The following DMD variants were observed in gnomAD, a reference collection of about 807,000 sequenced individuals.
DMD encodes the protein dystrophin.
In DMD, 63 loss-of-function variants were observed where a neutral mutation model predicts 330.1. The observed-to-expected ratio is 0.19, with a 90% CI of 0.16 to 0.24. The LOEUF is 0.24. DMD is among the 10% of genes least tolerant of loss of function. The pLI, the probability that DMD is intolerant of heterozygous loss-of-function variation, is 1.00. For synonymous variants in DMD, 1,223 were observed against 959.8 expected (o/e 1.27, Z -5.07); for missense variants, 3,344 against 2,684.1 (o/e 1.25, Z -5.43).
At chrX:31,665,841 T>C (rs764119658) in intron 53 of DMD, among the ~76,000 whole-genome samples, 7 of 111,837 alleles carry the variant, frequency 6.3e-5, no homozygotes, top group African/African-American at 2.3e-4. Context: ...TTTTCCCCTC[T>C]TTACTTTCAG....
chrX:31,957,926 G>A (rs1705780101), intron 45 of DMD, among the ~76,000 whole-genome samples: 1 of 111,027 alleles, frequency 9.0e-6, no homozygotes, highest in African/African-American at 3.3e-5. Flanking sequence ...CTCACCTGAG[G>A]ATAGTGTATT....
At chrX:32,577,096 T>A (rs2053143894) in intron 13 of DMD, among the ~76,000 whole-genome samples, 1 of 111,669 alleles carries the variant, frequency 9.0e-6, no homozygotes, top group Admixed American at 9.6e-5. Context: ...GACCATTAAG[T>A]TACAATGAGT....
chrX:33,165,997 A>C (rs924246806), intron 1 of DMD, among the ~76,000 whole-genome samples: 2 of 111,420 alleles, frequency 1.8e-5, no homozygotes, highest in African/African-American at 6.5e-5. Flanking sequence ...AAAGTGATTA[A>C]TGATGTTGTT....
chrX:33,090,589 A>G (rs2095072407), intron 1 of DMD, among the ~76,000 whole-genome samples: 1 of 109,357 alleles, frequency 9.1e-6, no homozygotes, highest in Non-Finnish European at 1.9e-5. Context: ...CACTATAAAT[A>G]AAACACAAAA....
chrX:31,310,802 G>T, intron 62 of DMD, among the ~76,000 whole-genome samples: 1 of 101,620 alleles, frequency 9.8e-6, no homozygotes, highest in Non-Finnish European at 2.0e-5. Context: ...TGTTCCTTCT[G>T]CTTTGACCCC....
At chrX:32,137,953 A>G (rs1362175128) in intron 44 of DMD, among the ~76,000 whole-genome samples, 1 of 109,237 alleles carries the variant, frequency 9.2e-6, no homozygotes, top group Non-Finnish European at 1.9e-5. Context: ...TCCCTGGGTG[A>G]TATCACCACA....
chrX:32,545,640 C>T (rs1406646531), intron 16 of DMD, among the ~76,000 whole-genome samples: 1 of 111,193 alleles, frequency 9.0e-6, no homozygotes, highest in Non-Finnish European at 1.9e-5. Context: ...ATAATTCATT[C>T]TGATAGTTAA....
At chrX:32,388,325 G>A (rs1368566993) in intron 32 of DMD, among the ~76,000 whole-genome samples, 1 of 76,408 alleles carries the variant, frequency 1.3e-5, no homozygotes, top group African/African-American at 5.9e-5. Context: ...AAGGCACTTG[G>A]GTCATTTATG....
At chrX:32,358,602 A>C in intron 37 of DMD, among the ~76,000 whole-genome samples, 1 of 111,992 alleles carries the variant, frequency 8.9e-6, no homozygotes, top group Non-Finnish European at 1.9e-5. Flanking sequence ...CAGCATTTTT[A>C]TGTATTTTAA....
intron 60 of DMD, among the ~76,000 whole-genome samples, chrX:31,410,139 G>A (rs984616954): frequency 1.8e-5 from 2 of 112,102 alleles, no homozygotes; most frequent in African/African-American, 3.2e-5. Context: ...TTTTTAAAGC[G>A]GCATGCATCT....
At chrX:31,329,694 C>T (rs192215066) in intron 61 of DMD, among the ~76,000 whole-genome samples, 232 of 110,349 alleles carry the variant, frequency 2.1e-3, no homozygotes, top group African/African-American at 7.0e-3. Flanking sequence ...CCACCTCGGC[C>T]GGGCGCGGTG....
At chrX:32,805,307 C>A (rs1196863927) in intron 7 of DMD, among the ~76,000 whole-genome samples, 1 of 111,678 alleles carries the variant, frequency 9.0e-6, no homozygotes, top group Non-Finnish European at 1.9e-5. Context: ...ACAACAACTT[C>A]ATGAAGCATA....
At chrX:32,428,609 G>A (rs2148093256) in intron 29 of DMD, among the ~76,000 whole-genome samples, 1 of 111,547 alleles carries the variant, frequency 9.0e-6, no homozygotes, top group South Asian at 3.7e-4. Context: ...TCCCAGGTAT[G>A]TACGAGATTT....
At chrX:32,871,391 TG>T (rs1252116525) in intron 2 of DMD, among the ~76,000 whole-genome samples, 1 of 110,954 alleles carries the variant, frequency 9.0e-6, no homozygotes, top group Non-Finnish European at 1.9e-5. Context: ...TAAGATCAAG[TG>T]GGAGGTTTCT....
chrX:31,141,326 T>A (rs1424952678), intron 76 of DMD, among the ~76,000 whole-genome samples: 1 of 112,331 alleles, frequency 8.9e-6, no homozygotes, highest in Non-Finnish European at 1.9e-5. Context: ...AAGAACATAA[T>A]GTACTCAAGG....
At chrX:33,104,550 T>C (rs2095269260) in intron 1 of DMD, among the ~76,000 whole-genome samples, 1 of 103,773 alleles carries the variant, frequency 9.6e-6, no homozygotes, top group Non-Finnish European at 2.0e-5. Context: ...CAACCCCCCT[T>C]TTTCCTTTAT....
chrX:32,273,291 CA>C (rs1287751915), intron 43 of DMD, among the ~76,000 whole-genome samples: 1 of 109,607 alleles, frequency 9.1e-6, no homozygotes, highest in Non-Finnish European at 1.9e-5. Flanking sequence ...TAAAACAAAA[CA>C]AAACAAAACA....
chrX:32,265,750 G>A (rs1676598587), intron 43 of DMD, among the ~76,000 whole-genome samples: 1 of 112,513 alleles, frequency 8.9e-6, no homozygotes, highest in Non-Finnish European at 1.9e-5. Flanking sequence ...CATTGGATTT[G>A]ACATGCATGG....
chrX:33,022,259 G>T (rs2093928140), intron 1 of DMD, among the ~76,000 whole-genome samples: 1 of 111,036 alleles, frequency 9.0e-6, no homozygotes, highest in Non-Finnish European at 1.9e-5. Flanking sequence ...ATTTAATCTA[G>T]AGGCTTTTAA....
Sources: allele counts gnomAD v4.1 joint callset (sites outside exome capture counted in the v4.1 genomes callset), GRCh38; gene constraint gnomAD v4.1.1; transcripts MANE v1.5; gene names NCBI Gene and HGNC (gene_info 2026-07-23, HGNC 2026-07-21).